ABCD2: variants seen among roughly 807,000 people sequenced by gnomAD.
The protein encoded by ABCD2 is ATP-binding cassette sub-family D member 2.
Under a neutral mutation model 70.9 loss-of-function variants are expected in ABCD2, and 36 were observed. That is an observed-to-expected ratio of 0.51 (90% CI 0.39 to 0.67). The LOEUF is 0.67. Ranked by LOEUF, ABCD2 falls within the 30% of genes least tolerant of loss-of-function variation. The probability of loss-of-function intolerance (pLI) is 0.00; values close to 1 mark genes in which losing one functional copy is unlikely to be tolerated. For synonymous variants in ABCD2, 304 were observed against 306.9 expected, an observed-to-expected ratio of 0.99 and a Z score of 0.10; for missense variants, 729 against 890.2, an observed-to-expected ratio of 0.82 and a Z score of 2.30.
At chr12:39,557,436 A>G (rs1941185597) in intron 9 of ABCD2, among the ~76,000 whole-genome samples, 1 of 152,230 alleles carries the variant, frequency 6.6e-6, no homozygotes, top group Non-Finnish European at 1.5e-5. Flanking sequence ...AGCAGAGCAT[A>G]AAAGTTTAGA....
At chr12:39,567,481 T>C (rs1941371051) in intron 9 of ABCD2, among the ~76,000 whole-genome samples, 1 of 152,216 alleles carries the variant, frequency 6.6e-6, no homozygotes. Context: ...TCCATTTGCT[T>C]GGTAGATCTT....
chr12:39,538,608 C>G, the ABCD2 span, among the ~76,000 whole-genome samples: 17 of 151,890 alleles, frequency 1.1e-4, no homozygotes, highest in Non-Finnish European at 2.2e-4. Flanking sequence ...ATTTTGCCAA[C>G]GTCTTCCATT....
intron 3 of ABCD2, among the ~76,000 whole-genome samples, chr12:39,606,681 C>A (rs1941973890): frequency 6.6e-6 from 1 of 152,086 alleles, no homozygotes; most frequent in Non-Finnish European, 1.5e-5. Flanking sequence ...TTATTCAAGG[C>A]TGACTTAATA....
rs1307020732 is a variant in ABCD2, at chr12:39,555,836, CA to C, written c.2004-1706del. Among the ~76,000 whole-genome samples the C allele has an allele frequency of 5.9e-5, 9 of 152,274 alleles. No individual in the cohort carries two copies. In the East Asian group the frequency reaches 1.2e-3, roughly 20 times the overall value. The stretch of plus-strand genomic sequence containing the variant: ...AACAAACTATAGAAGCCATGGGCTC[CA>C]AATAGCCCACAGTGGCAGGCAGGAC... On this transcript the variant is annotated intron_variant, in intron 9 of 9. Coordinates refer to ENST00000308666, the MANE Select transcript of ABCD2 (RefSeq NM_005164.4).
chr12:39,580,045 C>T (rs1043309945), intron 7 of ABCD2, among the ~76,000 whole-genome samples: 2 of 152,104 alleles, frequency 1.3e-5, no homozygotes, highest in African/African-American at 4.8e-5. Flanking sequence ...TATGTGAGTT[C>T]TCTTATCATA....
chr12:39,562,360 TAG>T (rs916631467), intron 9 of ABCD2, among the ~76,000 whole-genome samples: 48 of 151,584 alleles, frequency 3.2e-4, no homozygotes, highest in Admixed American at 2.1e-3. Flanking sequence ...ACAAATAAAA[TAG>T]AGCCTGGAAA....
intron 9 of ABCD2, among the ~76,000 whole-genome samples, chr12:39,558,382 G>A (rs1941201782): frequency 6.6e-6 from 1 of 152,280 alleles, no homozygotes; most frequent in South Asian, 2.1e-4. Flanking sequence ...GGAAGGGCAT[G>A]ATTATGTTTT....
intron 9 of ABCD2, among the ~76,000 whole-genome samples, chr12:39,567,874 T>G (rs575009640): frequency 7.2e-5 from 11 of 152,298 alleles, no homozygotes; most frequent in African/African-American, 2.2e-4. Flanking sequence ...TGATTTCTCC[T>G]TCACTTATGA....
intron 2 of ABCD2, among the ~76,000 whole-genome samples, chr12:39,611,006 T>C (rs1328519762): frequency 1.3e-5 from 2 of 152,194 alleles, no homozygotes; most frequent in Admixed American, 1.3e-4. Context: ...AGCTATTTTG[T>C]CAAAAGTTCC....
At chr12:39,595,106 A>G (rs1263031268) in intron 6 of ABCD2, among the ~76,000 whole-genome samples, 1 of 152,178 alleles carries the variant, frequency 6.6e-6, no homozygotes, top group African/African-American at 2.4e-5. Flanking sequence ...GAAGATACAG[A>G]TATTTTTGAA....
the ABCD2 span, among the ~76,000 whole-genome samples, chr12:39,541,201 G>A: frequency 5.9e-5 from 9 of 152,132 alleles, no homozygotes; most frequent in African/African-American, 1.7e-4. Flanking sequence ...CTGCAATTAC[G>A]TTTGCACCAA....
chr12:39,566,530 A>T (rs986564182), intron 9 of ABCD2, among the ~76,000 whole-genome samples: 1 of 151,746 alleles, frequency 6.6e-6, no homozygotes, highest in African/African-American at 2.4e-5. Context: ...TTTCTTCTCT[A>T]TTAGTCTTGC....
At chr12:39,589,664 GGTGTGAGCCACC>G (rs1941718365) in intron 6 of ABCD2, among the ~76,000 whole-genome samples, 2 of 151,986 alleles carry the variant, frequency 1.3e-5, no homozygotes, top group African/African-American at 4.8e-5. Flanking sequence ...TGGGATTACA[GGTGTGAGCCACC>G]GCACCCAGCC....
chr12:39,565,203 T>C (rs1659005388), intron 9 of ABCD2, among the ~76,000 whole-genome samples: 1 of 152,222 alleles, frequency 6.6e-6, no homozygotes, highest in East Asian at 1.9e-4. Context: ...GCATTGAATC[T>C]ATAAATTACT....
At chr12:39,576,531 A>G (rs939976708) in intron 8 of ABCD2, among the ~76,000 whole-genome samples, 7 of 152,202 alleles carry the variant, frequency 4.6e-5, no homozygotes, top group African/African-American at 1.7e-4. Context: ...ACACATCACT[A>G]AAAATCCCAA....
Position 39,558,030 on chromosome 12 carries a change from C to A in ABCD2, c.2004-3899G>T, listed in dbSNP as rs533654518. On this transcript the variant is annotated intron_variant, in intron 9 of 9. Coordinates refer to ENST00000308666, the MANE Select transcript of ABCD2 (RefSeq NM_005164.4). ...TGGTAGATCCACTAACAGCTTGCAC[C>A]ATGCACCTGGAAAAGCAGCAGACAC... Among the ~76,000 whole-genome samples the A allele has an allele frequency of 6.6e-5, 10 of 152,306 alleles. No homozygotes were observed. In the East Asian group the frequency reaches 1.9e-3, roughly 29 times the overall value.
chr12:39,611,334 T>TTTAAGACCACTGTACCTTCTGATCAG (rs568502451), intron 2 of ABCD2, among the ~76,000 whole-genome samples: 68 of 152,252 alleles, frequency 4.5e-4, no homozygotes, highest in African/African-American at 1.5e-3. Flanking sequence ...GGAGAGGGTA[T>TTTAAGACCACTGTACCTTCTGATCAG]TTAAGACCAC....
At chr12:39,557,178 C>T (rs912485948) in intron 9 of ABCD2, among the ~76,000 whole-genome samples, 1 of 152,086 alleles carries the variant, frequency 6.6e-6, no homozygotes, top group Non-Finnish European at 1.5e-5. Flanking sequence ...GAAGTAGTCT[C>T]AGATGAAGAT....
chr12:39,606,877 C>A (rs183676828), intron 3 of ABCD2, among the ~76,000 whole-genome samples: 1 of 152,266 alleles, frequency 6.6e-6, no homozygotes, highest in African/African-American at 2.4e-5. Context: ...TTATTAACCA[C>A]ACAGTATTCC....
Sources: allele counts gnomAD v4.1 joint callset (sites outside exome capture counted in the v4.1 genomes callset), GRCh38; gene constraint gnomAD v4.1.1; transcripts MANE v1.5; gene names NCBI Gene and HGNC (gene_info 2026-07-23, HGNC 2026-07-21).